MTMR9: variants seen among roughly 807,000 people sequenced by gnomAD.
MTMR9 encodes myotubularin-related protein 9.
Under a neutral mutation model 69.5 loss-of-function variants are expected in MTMR9, and 39 were observed. The ratio of observed to expected loss-of-function variants is 0.56; its 90% confidence interval spans 0.43 to 0.73. MTMR9 has a LOEUF of 0.73. MTMR9 is among the 30% of genes least tolerant of loss of function. The pLI is 0.00. For missense variants in MTMR9, 900 were observed against 671.2 expected (o/e 1.34, Z -3.77); for synonymous variants, 354 against 240.8 (o/e 1.47, Z -4.35).
intron 1 of MTMR9, among the ~76,000 whole-genome samples, chr8:11,293,594 T>G (rs1554500063): frequency 2.0e-5 from 3 of 152,168 alleles, no homozygotes; most frequent in Non-Finnish European, 4.4e-5. Context: ...TTTTATAGAT[T>G]GGGATTTTAG....
intron 5 of MTMR9, among the ~76,000 whole-genome samples, chr8:11,307,896 T>A (rs1169705034): frequency 6.6e-6 from 1 of 152,172 alleles, no homozygotes; most frequent in Non-Finnish European, 1.5e-5. Flanking sequence ...TTAATCAGGT[T>A]TTGTGTTTTC....
At chr8:11,318,406 C>T (rs1300315531) in intron 8 of MTMR9, 1 of 152,180 alleles carries the variant, frequency 6.6e-6, no homozygotes, top group Admixed American at 6.5e-5. Context: ...TCCAATGCCA[C>T]ATAGGCTCTA....
At chr8:11,299,868 A>C (rs1383784758) in intron 2 of MTMR9, among the ~76,000 whole-genome samples, 155 bp from the exon 3 acceptor site, 1 of 152,224 alleles carries the variant, frequency 6.6e-6, no homozygotes, top group Non-Finnish European at 1.5e-5. Flanking sequence ...CTTCAGTAAG[A>C]CTAAAATTGT....
rs575369456 is a variant in MTMR9 at position 11,306,173 on chromosome 8, C to G, written c.592-17C>G. 172 of 1,609,016 alleles carry G rather than the reference C, an allele frequency of 1.1e-4. No homozygotes were observed. Among genetic ancestry groups the G allele is most frequent in the Non-Finnish European group, 1.4e-4 (166 of 1,177,794 alleles). ...AAAGCAACTGCTGTTGAATTTTCAG[C>G]TTTATTATGCTTCTAGGTAATTATG... On this transcript the variant is annotated splice_polypyrimidine_tract_variant and intron_variant, in intron 4 of 9. Transcript: ENST00000221086.
intron 3 of MTMR9, among the ~76,000 whole-genome samples, chr8:11,303,432 G>A (rs1338472021): frequency 6.6e-6 from 1 of 151,998 alleles, no homozygotes; most frequent in African/African-American, 2.4e-5. Flanking sequence ...TGTTGAAAAT[G>A]ATTGCCTTTG....
rs1800449226 is a variant in MTMR9 at position 11,317,043 on chromosome 8, A to G, written c.1334+150A>G. 8.0e-6 allele frequency: 4 copies of G among 502,776 alleles called. No homozygotes were observed. In the East Asian group the frequency reaches 1.3e-4, roughly 16 times the overall value. The allele number at this position is 502,776 out of a possible 1,614,324, so 31.1% of individuals were successfully genotyped here. ...GCTACAGTTAATTATAATTTAAATG[A>G]CCTGAAGTATATTCTTTTATGAGAG... is the stretch of plus-strand genomic sequence containing the variant. On this transcript the variant is annotated intron_variant, in intron 8 of 9. Transcript: ENST00000221086.
At chr8:11,336,056 A>G in the MTMR9 span, among the ~76,000 whole-genome samples, 1 of 152,228 alleles carries the variant, frequency 6.6e-6, no homozygotes, top group Non-Finnish European at 1.5e-5. Flanking sequence ...CAGAATATAT[A>G]CATTTTGGTG....
intron 5 of MTMR9, among the ~76,000 whole-genome samples, chr8:11,307,159 C>T (rs1054131744): frequency 4.6e-5 from 7 of 152,168 alleles, no homozygotes; most frequent in African/African-American, 1.7e-4. Context: ...GCAATCTCTG[C>T]CTCCCAGGTT....
In MTMR9 at chr8:11,321,738, C is replaced by G. The variant is rs1021510442; in HGVS notation, c.1487-887C>G. The G allele has an allele frequency of 9.1e-5, 26 of 286,134 alleles. No homozygotes were observed. The South Asian group carries it at 9.1e-4, about 10-fold the overall frequency. The allele number at this position is 286,134 out of a possible 1,614,324, so 17.7% of individuals were successfully genotyped here. A position where few individuals can be genotyped will look rare whatever the true frequency, so the allele number is the denominator to read the frequency against. On this transcript the variant is annotated intron_variant, in intron 9 of 9. Coordinates refer to ENST00000221086, the MANE Select transcript of MTMR9 (RefSeq NM_015458.4). ...GCTAACCATTAATATTTAGAAATTC[C>G]TGAATTAGAAAAATCAACATGGGTG...
chr8:11,285,367 T>G, intron 1 of MTMR9: 1 of 297,720 alleles, frequency 3.4e-6, no homozygotes, highest in Non-Finnish European at 6.2e-6. Context: ...ATAAATTTCT[T>G]CTTCTTCTTG....
At chr8:11,319,454 C>T (rs1800569514) in intron 8 of MTMR9, 1 of 499,936 alleles carries the variant, frequency 2.0e-6, no homozygotes, top group African/African-American at 2.0e-5. Context: ...TTTTATCCTC[C>T]TGCCAGCTTC....
chr8:11,307,135 G>A (rs1369920412), intron 5 of MTMR9, among the ~76,000 whole-genome samples: 1 of 152,064 alleles, frequency 6.6e-6, no homozygotes, highest in African/African-American at 2.4e-5. Context: ...GCAGTGGCAC[G>A]ATCCCAGCTC....
intron 7 of MTMR9, 106 bp from the exon 8 acceptor site, chr8:11,316,567 C>G (rs1800423209): frequency 1.6e-6 from 1 of 620,892 alleles, no homozygotes; most frequent in Non-Finnish European, 2.7e-6. Flanking sequence ...ATATGATGTT[C>G]CAGGTACTAG....
At position 11,316,897 on chromosome 8, in the gene MTMR9, A is replaced by C. The variant is rs759852315; in HGVS notation, c.1334+4A>C. 3 of 1,579,356 alleles carry C rather than the reference A, an allele frequency of 1.9e-6. No homozygotes were observed. The African/African-American group carries it at 4.1e-5, about 21-fold the overall frequency. On this transcript the variant is annotated splice_donor_region_variant and intron_variant, in intron 8 of 9. Transcript: ENST00000221086. ...TGGGCAACAATGAAAGTGAAAGGTG[A>C]GTACACTGCTCACATGGGGACCTTT...
chr8:11,319,965 C>T (rs1211502466), intron 9 of MTMR9, 127 bp downstream of exon 9: 1 of 836,460 alleles, frequency 1.2e-6, no homozygotes, highest in East Asian at 2.9e-5. Flanking sequence ...TGTGAATTGT[C>T]ATTCTCAGTG....
At chr8:11,294,500 C>CTTTTTTTTTTTTTTTTTTTT (rs61227530) in intron 1 of MTMR9, among the ~76,000 whole-genome samples, 2 of 105,844 alleles carry the variant, frequency 1.9e-5, no homozygotes, top group African/African-American at 8.9e-5. Flanking sequence ...AATACTTTCA[C>CTTTTTTTTTTTTTTTTTTTT]TTTTTTTTTT....
chr8:11,330,126 C>A (rs1801146134), downstream of MTMR9, among the ~76,000 whole-genome samples: 1 of 151,530 alleles, frequency 6.6e-6, no homozygotes, highest in Non-Finnish European at 1.5e-5. Flanking sequence ...CCCCGCCCGG[C>A]CAGCAGCCCC....
Position 11,288,262 on chromosome 8 carries a change from A to T in MTMR9, c.182+3192A>T, listed in dbSNP as rs533907967. Reference sequence around the variant, plus strand: ...TAATAATAATTATATTATAATAATTATATATTATAATATAGTATAATATAG... The same window carrying T: ...TAATAATAATTATATTATAATAATTTTATATTATAATATAGTATAATATAG... On this transcript the variant is annotated intron_variant, in intron 1 of 9. Transcript: ENST00000221086. Among the ~76,000 whole-genome samples the T allele has an allele frequency of 2.6e-3, 356 of 138,370 alleles. 1 individual carries two copies. The highest frequency in any genetic ancestry group is 9.1e-3 in the African/African-American group (338 of 37,102). The allele number at this position is 138,370 out of a possible 152,430, so 90.8% of individuals were successfully genotyped here.
intron 6 of MTMR9, among the ~76,000 whole-genome samples, chr8:11,310,969 T>C (rs765389798): frequency 2.0e-5 from 3 of 152,184 alleles, no homozygotes; most frequent in Non-Finnish European, 4.4e-5. Context: ...TTCAGGGTTT[T>C]GGTTAATTTT....
Sources: allele counts gnomAD v4.1 joint callset (sites outside exome capture counted in the v4.1 genomes callset), GRCh38; gene constraint gnomAD v4.1.1; transcripts MANE v1.5; gene names NCBI Gene and HGNC (gene_info 2026-07-23, HGNC 2026-07-21).